The following SIPA1L1 variants were observed in gnomAD, a reference collection of about 807,000 sequenced individuals.
SIPA1L1 encodes the protein signal-induced proliferation-associated 1-like protein 1.
In SIPA1L1, 26 loss-of-function variants were observed where a neutral mutation model predicts 162.7. The ratio of observed to expected loss-of-function variants is 0.16; its 90% CI spans 0.12 to 0.22. The LOEUF (loss-of-function observed/expected upper bound fraction) is 0.22. Ranked by LOEUF, SIPA1L1 falls within the 10% of genes least tolerant of loss-of-function variation. The pLI, the probability that SIPA1L1 is intolerant of heterozygous loss-of-function variation, is 1.00. For synonymous variants in SIPA1L1, 829 were observed against 837.4 expected (o/e 0.99, Z 0.17); for missense variants, 1,874 against 2,241.0 (o/e 0.84, Z 3.31).
chr14:71,613,660 A>G lies in SIPA1L1; in HGVS notation c.1499-5097A>G, dbSNP rs575760989. ...CTTTCTTTGACACACTTCATCTGTA[A>G]CTCCCTCATCCTTACTCCCCTTCCC... On this transcript the variant is annotated intron_variant, in intron 5 of 23. Transcript: ENST00000381232. 2.6e-5 allele frequency among the ~76,000 whole-genome samples: 4 copies of G among 152,026 alleles called. No homozygotes were observed. The South Asian group carries it at 8.3e-4, about 32-fold the overall frequency.
At chr14:71,355,720 A>G (rs2037176177) in intron 2 of SIPA1L1, among the ~76,000 whole-genome samples, 1 of 152,242 alleles carries the variant, frequency 6.6e-6, no homozygotes, top group African/African-American at 2.4e-5. Flanking sequence ...GAGAAAGTAC[A>G]TATAAGGGAA....
At chr14:71,320,750 AC>A (rs1389547543) in intron 1 of SIPA1L1, among the ~76,000 whole-genome samples, 1 of 140,066 alleles carries the variant, frequency 7.1e-6, no homozygotes, top group Non-Finnish European at 1.5e-5. Context: ...CGGAGCCCGG[AC>A]CCCCGCACTT....
At chr14:71,392,504 C>T (rs1335869443) in intron 2 of SIPA1L1, among the ~76,000 whole-genome samples, 2 of 152,172 alleles carry the variant, frequency 1.3e-5, no homozygotes, top group Admixed American at 1.3e-4. Context: ...TTAGTTACTT[C>T]ATAACACATA....
chr14:71,547,072 A>G (rs2055285058), intron 4 of SIPA1L1, among the ~76,000 whole-genome samples: 1 of 150,918 alleles, frequency 6.6e-6, no homozygotes, highest in Non-Finnish European at 1.5e-5. Flanking sequence ...TACCCTATGT[A>G]ATTTTTGTGT....
chr14:71,465,395 TCC>T (rs773595623), intron 2 of SIPA1L1, among the ~76,000 whole-genome samples: 2 of 152,240 alleles, frequency 1.3e-5, no homozygotes, highest in Non-Finnish European at 2.9e-5. Context: ...TTCATCATTT[TCC>T]TTCATCACTT....
intron 5 of SIPA1L1, among the ~76,000 whole-genome samples, chr14:71,594,189 A>G (rs2035758026): frequency 6.6e-6 from 1 of 152,150 alleles, no homozygotes. Flanking sequence ...CATCTTTAAC[A>G]TAGTTTCTTT....
chr14:71,335,064 G>A (rs2034943879), intron 2 of SIPA1L1, among the ~76,000 whole-genome samples: 1 of 152,184 alleles, frequency 6.6e-6, no homozygotes, highest in Non-Finnish European at 1.5e-5. Flanking sequence ...GCTTTGGGAG[G>A]CTGAGGCGGG....
intron 2 of SIPA1L1, among the ~76,000 whole-genome samples, chr14:71,357,557 C>T (rs1054451262): frequency 6.6e-6 from 1 of 152,126 alleles, no homozygotes; most frequent in Non-Finnish European, 1.5e-5. Context: ...TGGTTGATAA[C>T]ACTGGTGCTC....
At chr14:71,694,782 G>A (rs541520807) in intron 13 of SIPA1L1, among the ~76,000 whole-genome samples, 14 of 152,320 alleles carry the variant, frequency 9.2e-5, no homozygotes, top group African/African-American at 2.6e-4. Flanking sequence ...AACATCAGAC[G>A]TTTGGGGCTC....
intron 12 of SIPA1L1, among the ~76,000 whole-genome samples, chr14:71,675,172 G>A (rs1032926597): frequency 1.3e-5 from 2 of 152,216 alleles, no homozygotes; most frequent in Admixed American, 6.5e-5. Context: ...ATGATTACCA[G>A]CTCCAGCACA....
intron 10 of SIPA1L1, among the ~76,000 whole-genome samples, chr14:71,667,474 C>G (rs7150188): frequency 0.017 from 2,584 of 152,242 alleles, 70 homozygotes; most frequent in African/African-American, 0.06. Flanking sequence ...AAGTGCCTAG[C>G]ACATAGTAGG....
chr14:71,593,426 G>A (rs775292885), intron 5 of SIPA1L1, among the ~76,000 whole-genome samples: 181 of 151,996 alleles, frequency 1.2e-3, no homozygotes, highest in Non-Finnish European at 2.3e-3. Flanking sequence ...TGGCAAGGCT[G>A]GTCTCAAACT....
At chr14:71,713,143 C>T (rs1328561991) in intron 17 of SIPA1L1, among the ~76,000 whole-genome samples, 2 of 152,078 alleles carry the variant, frequency 1.3e-5, no homozygotes, top group Non-Finnish European at 2.9e-5. Context: ...TCATTTGTAC[C>T]CAGGAGTTAG....
Position 71,589,277 on chromosome 14 carries a change from A to G in SIPA1L1, c.1405A>G (p.Asn469Asp), listed in dbSNP as rs2034962961. ...GVAVLEVPKE[N>D]LVLHLDRVKR... is the part of the protein sequence containing the mutation. ...GGCAGTACTTGAAGTGCCCAAGGAG[A>G]ACTTGGTGTTGCACCTAGATAGAGT... Residue 469 changes from asparagine to aspartate, a missense_variant, in exon 5 of 24, where the codon AAC becomes GAC. Around this residue, in one of 5 missense-constraint regions of SIPA1L1, gnomAD observed 685 missense variants for 828.0 expected, o/e 0.83. Coordinates refer to ENST00000381232, the MANE Select transcript of SIPA1L1 (RefSeq NM_001386936.1). The G allele has an allele frequency of 6.2e-7, 1 of 1,613,980 alleles. No individual in the cohort carries two copies. The highest frequency in any genetic ancestry group is 8.5e-7 in the Non-Finnish European group (1 of 1,179,900).
intron 2 of SIPA1L1, chr14:71,330,799 C>A (rs1013066464): frequency 1.4e-6 from 1 of 697,020 alleles, no homozygotes; most frequent in East Asian, 2.5e-5. Context: ...CGACCTCAGG[C>A]TTCACTCCAT....
At chr14:71,364,195 A>T (rs572113179) in intron 2 of SIPA1L1, among the ~76,000 whole-genome samples, 1 of 152,338 alleles carries the variant, frequency 6.6e-6, no homozygotes, top group South Asian at 2.1e-4. Context: ...TCTGGCAAAC[A>T]CTGTACTCTT....
At chr14:71,720,534 C>T (rs928806364) in intron 17 of SIPA1L1, among the ~76,000 whole-genome samples, 3 of 152,076 alleles carry the variant, frequency 2.0e-5, no homozygotes, top group Non-Finnish European at 2.9e-5. Flanking sequence ...AGTGCCACTG[C>T]ACTCCAACCT....
intron 4 of SIPA1L1, among the ~76,000 whole-genome samples, chr14:71,573,289 C>T (rs998540340): frequency 1.2e-4 from 19 of 152,204 alleles, no homozygotes; most frequent in Non-Finnish European, 2.2e-4. Flanking sequence ...TGTAAAATCA[C>T]GTCTCAGTGT....
chr14:71,421,594 C>T (rs1454940722), intron 2 of SIPA1L1, among the ~76,000 whole-genome samples: 1 of 141,888 alleles, frequency 7.0e-6, no homozygotes, highest in African/African-American at 2.6e-5. Context: ...AGACCTTATT[C>T]TTAAAAAAAT....
Sources: gnomAD v4.1 joint callset for allele counts (sites outside exome capture counted in the v4.1 genomes callset) on GRCh38, gnomAD v4.1.1 for gene constraint, gnomAD v4.1.1 regional missense constraint, MANE v1.5 for transcripts, NCBI Gene and HGNC (gene_info 2026-07-23, HGNC 2026-07-21) for gene names.